Variants in MTFR1 observed in about 807,000 individuals in gnomAD.
The protein encoded by MTFR1 is mitochondrial fission regulator 1, also known as chondrocyte protein with a poly-proline region.
MTFR1 carries 28 observed loss-of-function variants against 38.8 expected under a neutral mutation model. The ratio of observed to expected loss-of-function variants is 0.72; its 90% CI spans 0.53 to 0.99. The LOEUF (loss-of-function observed/expected upper bound fraction) is 0.99. Among genes scored for constraint, MTFR1 ranks in the 50% least tolerant of loss-of-function variants. The pLI is 0.00. For missense variants in MTFR1, 358 were observed against 395.5 expected, an observed-to-expected ratio of 0.91 and a Z score of 0.81; for synonymous variants, 145 against 137.0, an observed-to-expected ratio of 1.06 and a Z score of -0.41.
intron 3 of MTFR1, among the ~76,000 whole-genome samples, chr8:65,753,919 G>A (rs1198897787): frequency 6.6e-6 from 1 of 151,584 alleles, no homozygotes; most frequent in Non-Finnish European, 1.5e-5. Context: ...TATACTGTCT[G>A]CCAATAATAA....
At chr8:65,653,027 A>G (rs1471311830) in intron 1 of MTFR1, among the ~76,000 whole-genome samples, 1 of 152,186 alleles carries the variant, frequency 6.6e-6, no homozygotes, top group Non-Finnish European at 1.5e-5. Flanking sequence ...TCCTAAAGAG[A>G]TGATTTTAGG....
At chr8:65,678,039 G>C (rs937458727) in intron 2 of MTFR1, among the ~76,000 whole-genome samples, 1 of 151,546 alleles carries the variant, frequency 6.6e-6, no homozygotes, top group Non-Finnish European at 1.5e-5. Context: ...AAAGAAATTG[G>C]ATTATTTTAT....
In MTFR1 at chr8:65,707,262, G is replaced by A. The variant is rs748153460; in HGVS notation, c.764+6G>A. 6.2e-7 allele frequency: 1 copy of A among 1,608,364 alleles called. No individual in the cohort carries two copies. The highest frequency in any genetic ancestry group is 8.5e-7 in the Non-Finnish European group (1 of 1,176,872). ...AAACTTCGGTCAGTGAAGAGGTGAG[G>A]ATACATTCACCTTCTTTCTTCCCCA... On this transcript the variant is annotated splice_donor_region_variant and intron_variant, in intron 6 of 7. Coordinates refer to ENST00000262146, the MANE Select transcript of MTFR1 (RefSeq NM_014637.4).
chr8:65,683,243 T>C (rs1804963110), intron 3 of MTFR1, among the ~76,000 whole-genome samples: 1 of 150,186 alleles, frequency 6.7e-6, no homozygotes. Flanking sequence ...GCACTTCTCC[T>C]GCCTCAGCCT....
intron 2 of MTFR1, among the ~76,000 whole-genome samples, chr8:65,716,338 G>C (rs1806144854): frequency 6.6e-6 from 1 of 152,160 alleles, no homozygotes; most frequent in African/African-American, 2.4e-5. Flanking sequence ...CAGAGCAGAA[G>C]CAATCATGTA....
chr8:65,666,682 A>T (rs2129050375), intron 1 of MTFR1, among the ~76,000 whole-genome samples: 1 of 152,326 alleles, frequency 6.6e-6, no homozygotes, highest in South Asian at 2.1e-4. Flanking sequence ...TAATAAGCAT[A>T]AAAATGTTCC....
At chr8:65,673,740 A>G (rs927347518) in intron 2 of MTFR1, among the ~76,000 whole-genome samples, 1 of 151,914 alleles carries the variant, frequency 6.6e-6, no homozygotes, top group African/African-American at 2.4e-5. Flanking sequence ...CATCTCTACT[A>G]AAAATACAAA....
At chr8:65,671,562 A>G (rs960588416) in intron 2 of MTFR1, among the ~76,000 whole-genome samples, 3 of 149,278 alleles carry the variant, frequency 2.0e-5, no homozygotes, top group African/African-American at 7.3e-5. Flanking sequence ...AAAAAAAAAG[A>G]ACTTCACTTA....
intron 1 of MTFR1, among the ~76,000 whole-genome samples, chr8:65,669,022 T>C (rs540976167): frequency 6.6e-6 from 1 of 152,340 alleles, no homozygotes; most frequent in South Asian, 2.1e-4. Context: ...ATTAAAAGAC[T>C]TTATTCATTG....
intron 3 of MTFR1, among the ~76,000 whole-genome samples, chr8:65,739,757 A>G (rs1267712787): frequency 1.3e-5 from 2 of 152,202 alleles, no homozygotes; most frequent in Non-Finnish European, 2.9e-5. Context: ...TATGAACTTT[A>G]TATGTCACAT....
chr8:65,735,051 A>G (rs1365176705), intron 3 of MTFR1, among the ~76,000 whole-genome samples: 1 of 152,184 alleles, frequency 6.6e-6, no homozygotes, highest in African/African-American at 2.4e-5. Context: ...CACAACTCAC[A>G]TGTATACCAA....
At chr8:65,701,238 T>G (rs1414650778) in intron 4 of MTFR1, among the ~76,000 whole-genome samples, 3 of 152,246 alleles carry the variant, frequency 2.0e-5, no homozygotes, top group African/African-American at 7.2e-5. Context: ...ATCTTTAACC[T>G]TGGTAAAATA....
At chr8:65,693,888 A>G (rs1805356001) in intron 4 of MTFR1, 129 bp downstream of exon 4, 1 of 699,816 alleles carries the variant, frequency 1.4e-6, no homozygotes, top group Admixed American at 2.8e-5. Flanking sequence ...TTTCTTGAAC[A>G]GTCTTCTTTT....
chr8:65,702,663 T>C (rs137960538), intron 4 of MTFR1, among the ~76,000 whole-genome samples: 9 of 152,286 alleles, frequency 5.9e-5, no homozygotes, highest in Admixed American at 1.3e-4. Flanking sequence ...GGTTGTTCTG[T>C]AAACTAAAAA....
At chr8:65,670,055 T>G (rs577301069) in intron 2 of MTFR1, 37 bp downstream of exon 2, 1 of 1,533,328 alleles carries the variant, frequency 6.5e-7, no homozygotes, top group Non-Finnish European at 8.8e-7. Flanking sequence ...ATCCCGACAT[T>G]TAGATATTTT....
intron 1 of MTFR1, among the ~76,000 whole-genome samples, chr8:65,668,863 G>A (rs569491176): frequency 6.6e-6 from 1 of 152,172 alleles, no homozygotes; most frequent in East Asian, 1.9e-4. Context: ...TCATGTTCTG[G>A]TGCAAACTCC....
At chr8:65,773,285 C>A (rs149918128), downstream of MTFR1, among the ~76,000 whole-genome samples, 386 of 152,142 alleles carry the variant, frequency 2.5e-3, 5 homozygotes, top group South Asian at 0.033. Context: ...TTAAAAAAAA[C>A]TCCTCTAAAT....
At chr8:65,719,358 T>C (rs1806280536) in intron 2 of MTFR1, 1 of 1,614,180 alleles carries the variant, frequency 6.2e-7, no homozygotes, top group Non-Finnish European at 8.5e-7. Flanking sequence ...GTGTCCTCAC[T>C]GCTCGACTGT....
chr8:65,764,774 G>A (rs534482602), intron 3 of MTFR1, among the ~76,000 whole-genome samples: 1 of 152,188 alleles, frequency 6.6e-6, no homozygotes, highest in East Asian at 1.9e-4. Context: ...AGTCTTATCA[G>A]AAAAACAGGA....
Sources: gnomAD v4.1 joint callset for allele counts (sites outside exome capture counted in the v4.1 genomes callset) on GRCh38, gnomAD v4.1.1 for gene constraint, MANE v1.5 for transcripts, NCBI Gene and HGNC (gene_info 2026-07-23, HGNC 2026-07-21) for gene names.